DSCAM: variants seen among roughly 807,000 people sequenced by gnomAD.
DSCAM encodes the protein DS cell adhesion molecule.
DSCAM carries 47 observed loss-of-function variants against 217.7 expected under a neutral mutation model. The observed-to-expected ratio is 0.22, with a 90% CI of 0.17 to 0.28. The LOEUF (loss-of-function observed/expected upper bound fraction) is 0.28. DSCAM is among the 10% of genes least tolerant of loss of function. DSCAM has a pLI of 1.00. For synonymous variants in DSCAM, 1,056 were observed against 1,015.3 expected (o/e 1.04, Z -0.76); for missense variants, 2,080 against 2,618.3 (o/e 0.79, Z 4.49).
intron 1 of DSCAM, among the ~76,000 whole-genome samples, chr21:40,722,715 C>A (rs572884609): frequency 6.6e-5 from 10 of 152,106 alleles, no homozygotes; most frequent in African/African-American, 2.4e-4. Flanking sequence ...ATTGCCTAAA[C>A]ACTCTTAAAA....
chr21:40,254,646 G>A (rs1406527719), intron 11 of DSCAM, among the ~76,000 whole-genome samples: 5 of 152,140 alleles, frequency 3.3e-5, no homozygotes, highest in Non-Finnish European at 7.3e-5. Flanking sequence ...CACCTTGGAA[G>A]GGCCACCCAG....
Position 40,188,987 on chromosome 21 carries a change from G to C in DSCAM, c.2553+55C>G, listed in dbSNP as rs2090925789. The C allele has an allele frequency of 4.5e-6, 7 of 1,563,378 alleles. No individual in the cohort carries two copies. The South Asian group carries it at 7.9e-5, about 18-fold the overall frequency. ...CTGCACCCGCTTCTGTGAAAGGAAA[G>C]ACTTATTCTTCCAATAAAGTTCATT... On this transcript the variant is annotated intron_variant, in intron 12 of 32. Coordinates refer to ENST00000400454, the MANE Select transcript of DSCAM (RefSeq NM_001389.5).
chr21:40,773,412 CTG>C (rs1297151781), intron 1 of DSCAM, among the ~76,000 whole-genome samples: 3 of 152,186 alleles, frequency 2.0e-5, no homozygotes, highest in Non-Finnish European at 2.9e-5. Flanking sequence ...CTTCTTCTCC[CTG>C]TGTCTTCATG....
chr21:40,106,403 G>A (rs1317600887), intron 20 of DSCAM, among the ~76,000 whole-genome samples: 2 of 152,136 alleles, frequency 1.3e-5, no homozygotes, highest in Admixed American at 6.5e-5. Flanking sequence ...CTGCATTGAT[G>A]TTCATCAAGG....
At chr21:40,656,692 T>C (rs2090080763) in intron 3 of DSCAM, among the ~76,000 whole-genome samples, 1 of 152,178 alleles carries the variant, frequency 6.6e-6, no homozygotes, top group South Asian at 2.1e-4. Context: ...CTCGCTGTCT[T>C]TGATGGTGGC....
chr21:40,267,330 C>T (rs4818125), intron 11 of DSCAM, among the ~76,000 whole-genome samples: 12,698 of 151,632 alleles, frequency 0.084, 1,285 homozygotes, highest in East Asian at 0.22. Context: ...AATACATAAA[C>T]CATGAATAGT....
intron 5 of DSCAM, among the ~76,000 whole-genome samples, chr21:40,352,608 A>G (rs984981237): frequency 2.6e-5 from 4 of 152,178 alleles, no homozygotes; most frequent in African/African-American, 4.8e-5. Context: ...AAACACTTCT[A>G]TTGTCACTGT....
chr21:40,017,316 C>T (rs1332953298), intron 32 of DSCAM, among the ~76,000 whole-genome samples: 1 of 152,076 alleles, frequency 6.6e-6, no homozygotes, highest in East Asian at 1.9e-4. Flanking sequence ...TACATTGTTG[C>T]ACCACTTGGG....
At chr21:40,502,402 A>G (rs2076176633) in intron 3 of DSCAM, among the ~76,000 whole-genome samples, 1 of 152,186 alleles carries the variant, frequency 6.6e-6, no homozygotes, top group Non-Finnish European at 1.5e-5. Context: ...CACAAACTTG[A>G]TGACATAAAA....
At chr21:40,227,618 C>A (rs937916050) in intron 11 of DSCAM, among the ~76,000 whole-genome samples, 1 of 152,172 alleles carries the variant, frequency 6.6e-6, no homozygotes, top group African/African-American at 2.4e-5. Flanking sequence ...ACCCCTTTCC[C>A]CCACTGCTAC....
intron 11 of DSCAM, among the ~76,000 whole-genome samples, chr21:40,254,765 G>A (rs575319628): frequency 5.2e-4 from 79 of 152,166 alleles, no homozygotes; most frequent in African/African-American, 1.6e-3. Context: ...GATCCCAAGC[G>A]CTTTCCAGCA....
rs146817975 is a variant in DSCAM, at chr21:40,307,798, T to C, written c.2062+4283A>G. 5.2e-3 allele frequency among the ~76,000 whole-genome samples: 796 copies of C among 151,802 alleles called. 11 individuals are homozygous for C. The highest frequency in any genetic ancestry group is 0.017 in the African/African-American group (697 of 41,358). ...GTCCTTTGTAGGGACATGGATGAAATTGGAAATCATCATTCCCAGTAAACT... is the reference window on the plus strand; with the variant it reads ...GTCCTTTGTAGGGACATGGATGAAACTGGAAATCATCATTCCCAGTAAACT... On this transcript the variant is annotated intron_variant, in intron 9 of 32. Coordinates refer to ENST00000400454, the MANE Select transcript of DSCAM (RefSeq NM_001389.5).
intron 16 of DSCAM, among the ~76,000 whole-genome samples, chr21:40,164,853 G>T (rs755881316): frequency 1.3e-5 from 2 of 152,100 alleles, no homozygotes; most frequent in Non-Finnish European, 2.9e-5. Context: ...TGCTTATTTT[G>T]ATCAATAGAG....
rs967256331 is a variant in DSCAM at position 40,624,874 on chromosome 21, A to G, written c.508+67936T>C. On this transcript the variant is annotated intron_variant, in intron 3 of 32. Coordinates refer to ENST00000400454, the MANE Select transcript of DSCAM (RefSeq NM_001389.5). ...AAAGAAATGAGGTGTAAGTAATTGAATGATAATCTAAATAGCATATTCATA... is the reference window on the plus strand; with the variant it reads ...AAAGAAATGAGGTGTAAGTAATTGAGTGATAATCTAAATAGCATATTCATA... Among the ~76,000 whole-genome samples the G allele has an allele frequency of 7.2e-5, 11 of 152,208 alleles. 1 individual carries two copies. The highest frequency in any genetic ancestry group is 2.4e-4 in the African/African-American group (10 of 41,446).
chr21:40,662,996 T>G (rs2090155009), intron 3 of DSCAM, among the ~76,000 whole-genome samples: 1 of 152,142 alleles, frequency 6.6e-6, no homozygotes, highest in Non-Finnish European at 1.5e-5. Flanking sequence ...CTCTGAGGTA[T>G]GCAGGGGCTT....
intron 1 of DSCAM, among the ~76,000 whole-genome samples, chr21:40,817,504 AG>A (rs2091890072): frequency 6.6e-6 from 1 of 152,234 alleles, no homozygotes; most frequent in East Asian, 1.9e-4. Context: ...AGTAATGTGC[AG>A]GAGAGCGCCC....
At chr21:40,389,782 C>T (rs1458088044) in intron 3 of DSCAM, among the ~76,000 whole-genome samples, 1 of 152,210 alleles carries the variant, frequency 6.6e-6, no homozygotes, top group Non-Finnish European at 1.5e-5. Flanking sequence ...TTGCTTCCTA[C>T]CCAATGGCCA....
intron 1 of DSCAM, among the ~76,000 whole-genome samples, chr21:40,796,970 C>T (rs934379340): frequency 1.3e-5 from 2 of 152,320 alleles, no homozygotes; most frequent in East Asian, 3.9e-4. Context: ...CAATGGTTTA[C>T]TGTAAAACAT....
At chr21:40,776,884 T>C (rs2091493045) in intron 1 of DSCAM, among the ~76,000 whole-genome samples, 1 of 152,122 alleles carries the variant, frequency 6.6e-6, no homozygotes, top group African/African-American at 2.4e-5. Context: ...TTCCTTAAAA[T>C]AAGAGTAATG....
Sources: gnomAD v4.1 joint callset for allele counts (sites outside exome capture counted in the v4.1 genomes callset) on GRCh38, gnomAD v4.1.1 for gene constraint, MANE v1.5 for transcripts, NCBI Gene and HGNC (gene_info 2026-07-23, HGNC 2026-07-21) for gene names.